CUBN: variants seen among roughly 807,000 people sequenced by gnomAD.
CUBN encodes the protein cubilin.
Under a neutral mutation model 405.3 loss-of-function variants are expected in CUBN, and 282 were observed. The observed-to-expected ratio is 0.70, with a 90% CI of 0.63 to 0.77. CUBN has a LOEUF of 0.77. CUBN is among the 30% of genes least tolerant of loss of function. The pLI, the probability that CUBN is intolerant of heterozygous loss-of-function variation, is 0.00. For synonymous variants in CUBN, 1,684 were observed against 1,617.0 expected (o/e 1.04, Z -0.99); for missense variants, 4,514 against 4,475.2 (o/e 1.01, Z -0.25).
At chr10:17,093,663 C>T (rs897896630) in intron 14 of CUBN, among the ~76,000 whole-genome samples, 1 of 151,556 alleles carries the variant, frequency 6.6e-6, no homozygotes, top group Admixed American at 6.6e-5. Flanking sequence ...CTGACTAGGC[C>T]TGTGAGGAAG....
At chr10:17,094,167 G>T (rs969566924) in intron 14 of CUBN, among the ~76,000 whole-genome samples, 1 of 151,978 alleles carries the variant, frequency 6.6e-6, no homozygotes, top group Non-Finnish European at 1.5e-5. Flanking sequence ...AAAGCAGTGA[G>T]GGTGGAGAAA....
At chr10:17,032,484 C>G (rs1834806692) in intron 27 of CUBN, among the ~76,000 whole-genome samples, 1 of 152,088 alleles carries the variant, frequency 6.6e-6, no homozygotes, top group Admixed American at 6.6e-5. Context: ...GTATGGTTCC[C>G]CATCTCAATC....
chr10:17,092,206 A>C (rs1258627590), intron 14 of CUBN, among the ~76,000 whole-genome samples: 1 of 152,168 alleles, frequency 6.6e-6, no homozygotes, highest in Non-Finnish European at 1.5e-5. Context: ...TTTCTGACTA[A>C]GCTCCTCTCT....
chr10:17,036,880 A>C (rs1410223948), intron 27 of CUBN, among the ~76,000 whole-genome samples: 1 of 152,184 alleles, frequency 6.6e-6, no homozygotes, highest in African/African-American at 2.4e-5. Flanking sequence ...TGTGAGGGTG[A>C]CAGGACACTG....
intron 62 of CUBN, among the ~76,000 whole-genome samples, chr10:16,836,716 T>C (rs1839180483): frequency 6.6e-6 from 1 of 152,224 alleles, no homozygotes; most frequent in African/African-American, 2.4e-5. Flanking sequence ...GCTCACTGGA[T>C]CTCTCCTCCT....
At chr10:16,943,553 G>A (rs536309258) in intron 36 of CUBN, among the ~76,000 whole-genome samples, 50 of 152,096 alleles carry the variant, frequency 3.3e-4, no homozygotes, top group Non-Finnish European at 5.7e-4. Flanking sequence ...TGTGAAATAC[G>A]CAAAATTGTT....
At chr10:16,988,280 G>A (rs967528399) in intron 29 of CUBN, among the ~76,000 whole-genome samples, 13 of 152,216 alleles carry the variant, frequency 8.5e-5, no homozygotes, top group Non-Finnish European at 1.6e-4. Context: ...GTGATAAGGG[G>A]TCTTATGCAA....
Position 16,883,696 on chromosome 10 carries a change from A to G in CUBN, c.8905+4721T>C, listed in dbSNP as rs145884574. Among the ~76,000 whole-genome samples, 520 of 152,304 alleles carry G rather than the reference A, an allele frequency of 3.4e-3. 12 individuals are homozygous for G. The highest frequency in any genetic ancestry group is 0.026 in the Admixed American group (403 of 15,300). On this transcript the variant is annotated intron_variant, in intron 56 of 66. Coordinates refer to ENST00000377833, the MANE Select transcript of CUBN (RefSeq NM_001081.4). Reference sequence around the variant, plus strand: ...CTGGGACTTCAGTTAATCCAAGAGAATTTAGGCAAATATTAGGTGTGAATC... The same window carrying G: ...CTGGGACTTCAGTTAATCCAAGAGAGTTTAGGCAAATATTAGGTGTGAATC...
At chr10:16,833,703 T>G (rs1839082312) in intron 64 of CUBN, among the ~76,000 whole-genome samples, 1 of 152,050 alleles carries the variant, frequency 6.6e-6, no homozygotes, top group Non-Finnish European at 1.5e-5. Context: ...GATGTTTTGT[T>G]GGGAACAAAG....
intron 22 of CUBN, among the ~76,000 whole-genome samples, chr10:17,048,306 G>C (rs540519914): frequency 6.6e-6 from 1 of 152,214 alleles, no homozygotes; most frequent in South Asian, 2.1e-4. Flanking sequence ...ATTTAGCATA[G>C]TACCTGGACA....
At chr10:16,867,089 T>C (rs1840209132) in intron 59 of CUBN, among the ~76,000 whole-genome samples, 1 of 152,244 alleles carries the variant, frequency 6.6e-6, no homozygotes, top group Non-Finnish European at 1.5e-5. Flanking sequence ...CTTAGTGTTT[T>C]AGTTAAGATC....
At chr10:16,948,037 C>T (rs1259645423) in intron 35 of CUBN, among the ~76,000 whole-genome samples, 1 of 152,162 alleles carries the variant, frequency 6.6e-6, no homozygotes, top group Non-Finnish European at 1.5e-5. Flanking sequence ...AGTGAAACCT[C>T]GTCTCTACTA....
chr10:17,093,123 C>T (rs2356824), intron 14 of CUBN, among the ~76,000 whole-genome samples: 49,878 of 152,054 alleles, frequency 0.33, 10,006 homozygotes, highest in East Asian at 0.49. Flanking sequence ...AAACAACTCA[C>T]GATTTAGGGC....
In CUBN at chr10:16,915,079, G is replaced by A; in HGVS notation, c.7304C>T (p.Ser2435Phe). ...TAVVRFVTDG[S>F]VTASGFRLRF... ...CAGTCTGAATCCTGAGGCAGTCACA[G>A]AGCCGTCTGTGACAAACCTGACCAC... is the stretch of plus-strand genomic sequence containing the variant. The change falls in exon 47 of 67, where the codon TCT (serine) becomes TTT (phenylalanine). Residue 2435 changes from serine (S) to phenylalanine (F), a missense_variant. Ser to Phe is a radical substitution (Grantham distance 155). Transcript: ENST00000377833. 6.2e-7 allele frequency: 1 copy of A among 1,614,122 alleles called. No homozygotes were observed. Among genetic ancestry groups the A allele is most frequent in the Non-Finnish European group, 8.5e-7 (1 of 1,180,020 alleles).
chr10:17,073,642 C>T (rs577899458), intron 17 of CUBN, among the ~76,000 whole-genome samples: 43 of 152,182 alleles, frequency 2.8e-4, no homozygotes, highest in African/African-American at 9.9e-4. Flanking sequence ...GACGGGGTTT[C>T]TTTATGTTGG....
chr10:16,959,989 C>A (rs1416542865), intron 31 of CUBN, among the ~76,000 whole-genome samples: 3 of 152,118 alleles, frequency 2.0e-5, no homozygotes, highest in Non-Finnish European at 2.9e-5. Context: ...TAATTCATTT[C>A]TAGATGATAG....
intron 54 of CUBN, among the ~76,000 whole-genome samples, chr10:16,891,398 G>A (rs1486341844): frequency 2.0e-5 from 3 of 152,084 alleles, no homozygotes; most frequent in African/African-American, 7.2e-5. Context: ...TGCCCCGAGC[G>A]AACCCCGATG....
intron 18 of CUBN, 94 bp downstream of exon 18, chr10:17,071,733 A>G: frequency 4.7e-6 from 7 of 1,504,078 alleles, no homozygotes; most frequent in Non-Finnish European, 6.4e-6. Context: ...TTTTCCACTT[A>G]ACACTTGAGG....
At position 16,840,509 on chromosome 10, in the gene CUBN, T is replaced by C. The variant is rs1178652826; in HGVS notation, c.9853A>G (p.Thr3285Ala). 4 of 1,608,312 alleles carry C rather than the reference T, an allele frequency of 2.5e-6. No homozygotes were observed. The highest frequency in any genetic ancestry group is 3.4e-6 in the Non-Finnish European group (4 of 1,176,966). Residue 3285 changes from threonine to alanine, a missense_variant, in exon 62 of 67, where the codon ACT becomes GCT. Physicochemically the swap from Thr to Ala is moderately conservative, Grantham distance 58 (BLOSUM62 0). Around this residue, in one of 5 missense-constraint regions of CUBN, gnomAD observed 1,186 missense variants for 1,186.9 expected, o/e 1.00. Coordinates refer to ENST00000377833, the MANE Select transcript of CUBN (RefSeq NM_001081.4). Reference protein sequence around the residue: ...DMPCGGTYNATWTPQNISSPN... With the variant: ...DMPCGGTYNAAWTPQNISSPN... Reference sequence around the variant, plus strand: ...GATGAAATATTTTGTGGGGTCCAAGTTGCATTGTATGTTCCACCACAAGGC... The same window carrying C: ...GATGAAATATTTTGTGGGGTCCAAGCTGCATTGTATGTTCCACCACAAGGC...
Sources: gnomAD v4.1 joint callset for allele counts (sites outside exome capture counted in the v4.1 genomes callset) on GRCh38, gnomAD v4.1.1 for gene constraint, gnomAD v4.1.1 regional missense constraint, MANE v1.5 for transcripts, NCBI Gene and HGNC (gene_info 2026-07-23, HGNC 2026-07-21) for gene names.